PPIG: variants seen among roughly 807,000 people sequenced by gnomAD.
The protein encoded by PPIG is peptidylprolyl isomerase G.
A neutral mutation model predicts 87.9 loss-of-function variants in PPIG; 26 were observed. That is an observed-to-expected ratio of 0.30 (90% CI 0.22 to 0.41). PPIG has a LOEUF of 0.41. Ranked by LOEUF, PPIG falls within the 10% of genes least tolerant of loss-of-function variation. PPIG has a pLI of 1.00. For synonymous variants in PPIG, 308 were observed against 276.5 expected, an observed-to-expected ratio of 1.11 and a Z score of -1.13; for missense variants, 722 against 879.4, an observed-to-expected ratio of 0.82 and a Z score of 2.26.
rs189692349 is a variant in PPIG at position 169,613,202 on chromosome 2, G to A, written c.378-1262G>A. Among the ~76,000 whole-genome samples, 90 of 152,302 alleles carry A rather than the reference G, an allele frequency of 5.9e-4. 1 individual carries two copies. Among genetic ancestry groups the A allele is most frequent in the Non-Finnish European group, 9.1e-4 (62 of 68,022 alleles). On this transcript the variant is annotated intron_variant, in intron 7 of 13. Transcript: ENST00000260970. ...AACATGTTATATGAATACACATAGT[G>A]TACACCTAGGTTTTTACATTTCTAG... is the stretch of plus-strand genomic sequence containing the variant.
chr2:169,619,926 G>C (rs1685698284), intron 9 of PPIG, among the ~76,000 whole-genome samples: 1 of 151,820 alleles, frequency 6.6e-6, no homozygotes, highest in African/African-American at 2.4e-5. Context: ...TTTTAAATCA[G>C]GTTGTTTTCT....
At chr2:169,607,019 A>G in intron 5 of PPIG, 85 bp from the exon 6 acceptor site, 1 of 846,906 alleles carries the variant, frequency 1.2e-6, no homozygotes, top group South Asian at 1.7e-5. Context: ...ATTATTCAAA[A>G]ATCTACTTTA....
intron 7 of PPIG, among the ~76,000 whole-genome samples, chr2:169,611,897 T>A (rs953735407): frequency 2.6e-5 from 4 of 152,284 alleles, no homozygotes; most frequent in East Asian, 1.9e-4. Context: ...TTAAAAAAAA[T>A]TTTTTTGTAC....
intron 9 of PPIG, among the ~76,000 whole-genome samples, chr2:169,628,000 C>G (rs1685938701): frequency 2.0e-5 from 3 of 151,894 alleles, no homozygotes; most frequent in Middle Eastern, 3.4e-3. Flanking sequence ...CTGCATATCC[C>G]TCAGGTTTAT....
chr2:169,596,770 G>A (rs907708873), intron 1 of PPIG, among the ~76,000 whole-genome samples: 1 of 152,106 alleles, frequency 6.6e-6, no homozygotes, highest in Non-Finnish European at 1.5e-5. Flanking sequence ...CGCAATCTCA[G>A]CTCACTGCAA....
intron 9 of PPIG, among the ~76,000 whole-genome samples, chr2:169,616,091 A>G (rs544113618): frequency 5.4e-4 from 83 of 152,326 alleles, no homozygotes; most frequent in Non-Finnish European, 1.0e-3. Flanking sequence ...GAGTGAGAAC[A>G]TGCAGTGTTT....
chr2:169,584,707 C>G (rs1684649141), intron 1 of PPIG: 1 of 323,906 alleles, frequency 3.1e-6, no homozygotes, highest in Non-Finnish European at 5.9e-6. Flanking sequence ...AGAAGGCTTG[C>G]AGTCGAGCCC....
chr2:169,610,086 T>C (rs537318541), intron 7 of PPIG, among the ~76,000 whole-genome samples: 1 of 152,372 alleles, frequency 6.6e-6, no homozygotes, highest in East Asian at 1.9e-4. Flanking sequence ...AGGTTTGTTC[T>C]GTTCGGTAGC....
At chr2:169,603,434 C>T (rs974577550) in intron 1 of PPIG, among the ~76,000 whole-genome samples, 1 of 151,886 alleles carries the variant, frequency 6.6e-6, no homozygotes, top group Non-Finnish European at 1.5e-5. Flanking sequence ...CAGCAAGTAC[C>T]CTCATATGTA....
chr2:169,622,574 T>C (rs1217406688), intron 9 of PPIG, among the ~76,000 whole-genome samples: 1 of 152,198 alleles, frequency 6.6e-6, no homozygotes. Flanking sequence ...GTTTCAGCAA[T>C]CTGAGATTTG....
At chr2:169,623,851 C>T (rs1473523240) in intron 9 of PPIG, among the ~76,000 whole-genome samples, 1 of 152,176 alleles carries the variant, frequency 6.6e-6, no homozygotes, top group East Asian at 1.9e-4. Context: ...GAATTTCCTT[C>T]ATTTTCAAGA....
chr2:169,640,058 C>T lies in PPIG; in HGVS notation c.*2535C>T, dbSNP rs1686275965. 1.3e-5 allele frequency: 2 copies of T among 152,068 alleles called. No homozygotes were observed. Among genetic ancestry groups the T allele is most frequent in the South Asian group, 4.1e-4 (2 of 4,824 alleles). 9.4% of individuals were successfully genotyped at this position (152,068 alleles called of 1,614,324 possible). ...TGTATGAATTATTTTTCTGGGTAAG[C>T]CATCTGCCACAGAAATTGACACTAT... On this transcript the variant is annotated 3_prime_UTR_variant, in exon 14 of 14. Transcript: ENST00000260970.
chr2:169,637,489 C>A lies in PPIG; in HGVS notation c.2231C>A (p.Ser744Ter). 1 of 1,602,454 alleles carries A rather than the reference C, an allele frequency of 6.2e-7. No individual in the cohort carries two copies. The highest frequency in any genetic ancestry group is 1.1e-5 in the South Asian group (1 of 88,462). ...HEKNKKFDHE[S>*]SPGTDEDKSG Reference sequence around the variant, plus strand: ...AAAAATAAAAAATTTGATCATGAATCAAGCCCTGGAACAGATGAAGACAAA... The same window carrying A: ...AAAAATAAAAAATTTGATCATGAATAAAGCCCTGGAACAGATGAAGACAAA... Residue 744 changes from serine (S) to a stop codon, truncating the protein, a stop_gained, in exon 14 of 14, where the codon TCA (serine) becomes TAA (stop). Transcript: ENST00000260970. LOFTEE classifies it high-confidence loss of function.
intron 1 of PPIG, among the ~76,000 whole-genome samples, chr2:169,590,002 G>A (rs998850542): frequency 1.2e-4 from 18 of 152,062 alleles, no homozygotes; most frequent in Admixed American, 2.0e-4. Flanking sequence ...CCAGCTACTC[G>A]GGAGGCTGAG....
chr2:169,628,120 C>T (rs1335298267), intron 9 of PPIG, among the ~76,000 whole-genome samples: 1 of 152,064 alleles, frequency 6.6e-6, no homozygotes, highest in Non-Finnish European at 1.5e-5. Flanking sequence ...GCTCGTGAGA[C>T]AAAATTAGCT....
chr2:169,600,612 A>G (rs756455243), intron 1 of PPIG, among the ~76,000 whole-genome samples: 16 of 152,288 alleles, frequency 1.1e-4, no homozygotes, highest in South Asian at 4.1e-4. Flanking sequence ...AGGATGCTCA[A>G]TCATGATGTA....
intron 6 of PPIG, 100 bp from the exon 7 acceptor site, chr2:169,608,571 G>T: frequency 1.6e-6 from 1 of 608,066 alleles, no homozygotes; most frequent in Middle Eastern, 2.7e-4. Context: ...AGTAAGTTGT[G>T]TGTGGCACTA....
chr2:169,607,291 TA>T lies in PPIG; in HGVS notation c.289+151del, dbSNP rs1000826342. On this transcript the variant is annotated intron_variant, in intron 6 of 13. Transcript: ENST00000260970. ...ACTAATCTGAAGGTTAATTTTCTGGTAAAAAAAATTGCTTTTTATACAGATG... is the reference window on the plus strand; with the variant it reads ...ACTAATCTGAAGGTTAATTTTCTGGTAAAAAAATTGCTTTTTATACAGATG... The T allele has an allele frequency of 2.2e-4, 111 of 511,778 alleles. 1 individual carries two copies. In the Middle Eastern group the frequency reaches 2.7e-3, roughly 12 times the overall value. The allele number at this position is 511,778 out of a possible 1,614,324, so 31.7% of individuals were successfully genotyped here.
chr2:169,624,439 AC>A (rs1685831540), intron 9 of PPIG, among the ~76,000 whole-genome samples: 1 of 151,892 alleles, frequency 6.6e-6, no homozygotes, highest in South Asian at 2.1e-4. Context: ...AAGTGTTATT[AC>A]TCTTTGTAAT....
Sources: allele counts gnomAD v4.1 joint callset (sites outside exome capture counted in the v4.1 genomes callset), GRCh38; gene constraint gnomAD v4.1.1; transcripts MANE v1.5; gene names NCBI Gene and HGNC (gene_info 2026-07-23, HGNC 2026-07-21).